The following PODXL variants were observed in gnomAD, a reference collection of about 807,000 sequenced individuals.
The protein encoded by PODXL is podocalyxin.
A neutral mutation model predicts 48.9 loss-of-function variants in PODXL; 20 were observed. That is an observed-to-expected ratio of 0.41 (90% confidence interval 0.29 to 0.59). The LOEUF is 0.59. Among genes scored for constraint, PODXL ranks in the 20% least tolerant of loss-of-function variants. The probability of loss-of-function intolerance (pLI) is 0.31; values close to 1 mark genes in which losing one functional copy is unlikely to be tolerated. For synonymous variants in PODXL, 295 were observed against 287.4 expected (o/e 1.03, Z -0.27); for missense variants, 606 against 675.1 (o/e 0.90, Z 1.13).
At chr7:131,526,413 C>T (rs1798186450) in intron 1 of PODXL, among the ~76,000 whole-genome samples, 1 of 151,780 alleles carries the variant, frequency 6.6e-6, no homozygotes, top group African/African-American at 2.4e-5. Context: ...AGCATCCTTA[C>T]AGTGCTTTTC....
intron 1 of PODXL, among the ~76,000 whole-genome samples, chr7:131,513,816 A>T (rs983900342): frequency 1.3e-5 from 2 of 152,162 alleles, no homozygotes; most frequent in African/African-American, 4.8e-5. Flanking sequence ...AATCCCAGCT[A>T]CTCCATACAC....
chr7:131,509,819 A>G (rs1797878818), intron 3 of PODXL, among the ~76,000 whole-genome samples: 1 of 152,178 alleles, frequency 6.6e-6, no homozygotes. Flanking sequence ...CCTCAAAGGT[A>G]CTTTCCTACT....
intron 1 of PODXL, among the ~76,000 whole-genome samples, chr7:131,550,780 T>C (rs1798655776): frequency 6.6e-6 from 1 of 151,714 alleles, no homozygotes; most frequent in Non-Finnish European, 1.5e-5. Flanking sequence ...CACACATACA[T>C]GCACGCACAC....
intron 1 of PODXL, among the ~76,000 whole-genome samples, chr7:131,529,133 G>A (rs1398369910): frequency 1.3e-5 from 2 of 152,176 alleles, no homozygotes; most frequent in African/African-American, 2.4e-5. Flanking sequence ...GTTTACCCAA[G>A]TGAGTACTGG....
intron 1 of PODXL, among the ~76,000 whole-genome samples, chr7:131,555,475 GTACATTTTC>G (rs529718571): frequency 1.1e-4 from 16 of 152,296 alleles, no homozygotes; most frequent in Admixed American, 5.2e-4. Flanking sequence ...TGAGAGACAG[GTACATTTTC>G]TAAGGTGTGT....
intron 5 of PODXL, 42 bp from the exon 6 acceptor site, chr7:131,506,768 C>T (rs1584807486): frequency 1.3e-6 from 2 of 1,598,488 alleles, no homozygotes; most frequent in African/African-American, 1.4e-5. Context: ...GGGAGCGTGA[C>T]AGCAGCCTAG....
intron 6 of PODXL, 61 bp from the exon 7 acceptor site, chr7:131,506,382 GACT>G: frequency 6.4e-7 from 1 of 1,558,132 alleles, no homozygotes; most frequent in Non-Finnish European, 8.9e-7. Context: ...GGGGGACGGG[GACT>G]GCGCCCCAAG....
At chr7:131,554,981 C>G (rs1798720936) in intron 1 of PODXL, among the ~76,000 whole-genome samples, 2 of 152,178 alleles carry the variant, frequency 1.3e-5, no homozygotes, top group African/African-American at 4.8e-5. Context: ...CACATTCTTC[C>G]CCCCGCCGGG....
rs3212299 is a variant in PODXL at position 131,508,936 on chromosome 7, C to A, written c.1101+15G>T. On this transcript the variant is annotated intron_variant, in intron 5 of 8. Transcript: ENST00000378555. ...TGAGCCTGCACCTGGCGGCTCAGAT[C>A]AGCAAGCTACTCACACAGAGGGTGT... 0.07 allele frequency: 111,417 copies of A among 1,596,476 alleles called. 8,071 individuals carry two copies. Among genetic ancestry groups the A allele is most frequent in the African/African-American group, 0.35 (25,906 of 74,410 alleles).
At chr7:131,514,379 C>T (rs936020529) in intron 1 of PODXL, among the ~76,000 whole-genome samples, 1 of 152,058 alleles carries the variant, frequency 6.6e-6, no homozygotes, top group African/African-American at 2.4e-5. Context: ...TGCCACTGCA[C>T]TCCGGCCTGG....
Position 131,504,274 on chromosome 7 carries a change from G to C in PODXL, c.*37C>G, listed in dbSNP as rs763203018. 1 of 1,579,036 alleles carries C rather than the reference G, an allele frequency of 6.3e-7. No individual in the cohort carries two copies. Among genetic ancestry groups the C allele is most frequent in the Non-Finnish European group, 8.7e-7 (1 of 1,150,036 alleles). ...CGGCACTTGGGGTGGTTGGTCTGGA[G>C]CTCTGTGGTGCTGCTGGAGGCCACC... is the stretch of plus-strand genomic sequence containing the variant. On this transcript the variant is annotated 3_prime_UTR_variant, in exon 9 of 9. Transcript: ENST00000378555.
rs1311960901 is a variant in PODXL, at chr7:131,503,693, T to A, written c.*618A>T. ...GGACAGAGTAAGTGGGAACAAACAC[T>A]GAGTGTAGGGAGGGGTAAGAACATA... On this transcript the variant is annotated 3_prime_UTR_variant, in exon 9 of 9. Coordinates refer to ENST00000378555, the MANE Select transcript of PODXL (RefSeq NM_001018111.3). The A allele has an allele frequency of 6.5e-6, 1 of 153,662 alleles. No individual in the cohort carries two copies. The highest frequency in any genetic ancestry group is 1.9e-4 in the East Asian group (1 of 5,198). 9.5% of individuals were successfully genotyped at this position (153,662 alleles called of 1,614,324 possible).
At chr7:131,512,703 T>C (rs1318129099) in intron 1 of PODXL, among the ~76,000 whole-genome samples, 1 of 152,038 alleles carries the variant, frequency 6.6e-6, no homozygotes, top group Non-Finnish European at 1.5e-5. Flanking sequence ...TTCAGCCGGG[T>C]GTGGTGGCTC....
At chr7:131,516,735 TC>T (rs1056879856) in intron 1 of PODXL, among the ~76,000 whole-genome samples, 6 of 85,756 alleles carry the variant, frequency 7.0e-5, no homozygotes, top group East Asian at 3.6e-4. Context: ...CTTTTTTTTC[TC>T]TTTTTTTTTT....
In PODXL at chr7:131,510,335, GAAAAAAAA is replaced by G. The variant is rs56367324; in HGVS notation, c.707-12_707-5del. ...ACATGGTGAAACACTGTCTCTACTT[GAAAAAAAA>G]AAAAAAAAAAAAAAAAAAATTAGCT... On this transcript the variant is annotated splice_region_variant and splice_polypyrimidine_tract_variant and intron_variant, in intron 2 of 8. Coordinates refer to ENST00000378555, the MANE Select transcript of PODXL (RefSeq NM_001018111.3). 2.2e-3 allele frequency: 173 copies of G among 79,982 alleles called. No individual in the cohort carries two copies. Among genetic ancestry groups the G allele is most frequent in the Middle Eastern group, 6.9e-3 (1 of 144 alleles). The allele number at this position is 79,982 out of a possible 1,614,324, so 5.0% of individuals were successfully genotyped here. A position where few individuals can be genotyped will look rare whatever the true frequency, so the allele number is the denominator to read the frequency against.
intron 6 of PODXL, 114 bp from the exon 7 acceptor site, chr7:131,506,435 G>A (rs531716102): frequency 1.8e-5 from 25 of 1,423,612 alleles, no homozygotes; most frequent in African/African-American, 1.5e-4. Flanking sequence ...AGTGTCTCTC[G>A]GGTGACCTGG....
At chr7:131,542,223 G>A (rs1338310890) in intron 1 of PODXL, among the ~76,000 whole-genome samples, 1 of 152,162 alleles carries the variant, frequency 6.6e-6, no homozygotes, top group Non-Finnish European at 1.5e-5. Context: ...GGCCCTCAAG[G>A]CTCCATGCCC....
Position 131,510,988 on chromosome 7 carries a change from G to T in PODXL, c.546C>A (p.His182Gln). Residue 182 changes from histidine (H) to glutamine (Q), a missense_variant, in exon 2 of 9, where the codon CAC (histidine) becomes CAA (glutamine). Coordinates refer to ENST00000378555, the MANE Select transcript of PODXL (RefSeq NM_001018111.3). The part of the protein sequence containing the change: ...STKAEHLTTP[H>Q]PTSPLSPRQP... Reference sequence around the variant, plus strand: ...GTCGGGGGCTAAGTGGACTTGTAGGGTGAGGGGTCGTCAGATGTTCTGCCT... The same window carrying T: ...GTCGGGGGCTAAGTGGACTTGTAGGTTGAGGGGTCGTCAGATGTTCTGCCT... 1.9e-6 allele frequency: 3 copies of T among 1,614,164 alleles called. No homozygotes were observed. Among genetic ancestry groups the T allele is most frequent in the Non-Finnish European group, 2.5e-6 (3 of 1,180,004 alleles).
intron 1 of PODXL, among the ~76,000 whole-genome samples, chr7:131,549,740 C>T (rs1798639990): frequency 6.6e-6 from 1 of 152,216 alleles, no homozygotes; most frequent in Non-Finnish European, 1.5e-5. Context: ...ATTCTCTTCC[C>T]CCTGAGTGGA....
Sources: allele counts gnomAD v4.1 joint callset (sites outside exome capture counted in the v4.1 genomes callset), GRCh38; gene constraint gnomAD v4.1.1; transcripts MANE v1.5; gene names NCBI Gene and HGNC (gene_info 2026-07-23, HGNC 2026-07-21).